Variants in SHANK2 observed in about 807,000 individuals in gnomAD.
SHANK2 encodes SH3 and multiple ankyrin repeat domains protein 2.
SHANK2 carries 43 observed loss-of-function variants against 133.7 expected under a neutral mutation model. That is an observed-to-expected ratio of 0.32 (90% confidence interval 0.25 to 0.41). The LOEUF (loss-of-function observed/expected upper bound fraction) is 0.41. SHANK2 is among the 10% of genes least tolerant of loss of function. SHANK2 has a pLI of 1.00. For missense variants in SHANK2, 1,994 were observed against 2,235.8 expected, an observed-to-expected ratio of 0.89 and a Z score of 2.18; for synonymous variants, 1,017 against 952.8, an observed-to-expected ratio of 1.07 and a Z score of -1.24.
chr11:71,180,491 G>T (rs1953532991), intron 2 of SHANK2, among the ~76,000 whole-genome samples: 1 of 152,082 alleles, frequency 6.6e-6, no homozygotes, highest in African/African-American at 2.4e-5. Context: ...CTTACCCTGT[G>T]CCCATCTAAC....
At chr11:71,116,317 T>C (rs1314116722) in intron 4 of SHANK2, among the ~76,000 whole-genome samples, 1 of 152,234 alleles carries the variant, frequency 6.6e-6, no homozygotes, top group African/African-American at 2.4e-5. Context: ...GCCAACATGT[T>C]GTGCAGGAGT....
chr11:70,730,121 C>G (rs1034577615), intron 14 of SHANK2, among the ~76,000 whole-genome samples: 10 of 152,090 alleles, frequency 6.6e-5, no homozygotes, highest in Admixed American at 2.6e-4. Flanking sequence ...GAAGTGGGAC[C>G]TGTGTGCCAG....
intron 11 of SHANK2, among the ~76,000 whole-genome samples, chr11:70,835,675 C>T (rs1393894115): frequency 6.6e-6 from 1 of 152,192 alleles, no homozygotes; most frequent in Admixed American, 6.5e-5. Flanking sequence ...CTGATGGGGT[C>T]CTTTGTTCCA....
At position 70,565,370 on chromosome 11, in the gene SHANK2, C is replaced by T. The variant is rs539451906; in HGVS notation, c.2062-62439G>A. ...AGCAATTCTTCCTGCCTCAGCCTCC[C>T]GAATAGCTGGGATTACAGGCGCGTG... On this transcript the variant is annotated intron_variant, in intron 17 of 25. Coordinates refer to ENST00000601538, the MANE Select transcript of SHANK2 (RefSeq NM_012309.5). 5.3e-5 allele frequency among the ~76,000 whole-genome samples: 8 copies of T among 152,298 alleles called. No homozygotes were observed. The South Asian group carries it at 6.2e-4, about 12-fold the overall frequency.
chr11:71,227,725 G>A (rs1954664281), intron 1 of SHANK2, among the ~76,000 whole-genome samples: 1 of 152,100 alleles, frequency 6.6e-6, no homozygotes, highest in South Asian at 2.1e-4. Flanking sequence ...AGTGATAGTT[G>A]TAGAACCTTC....
chr11:70,922,898 T>TAAACAAAC (rs201296550), intron 10 of SHANK2, among the ~76,000 whole-genome samples: 26 of 151,734 alleles, frequency 1.7e-4, no homozygotes, highest in African/African-American at 6.3e-4. Flanking sequence ...CCCTATACTT[T>TAAACAAAC]AAACAAACAA....
intron 3 of SHANK2, among the ~76,000 whole-genome samples, chr11:71,132,823 A>G (rs1555103912): frequency 6.6e-6 from 1 of 152,134 alleles, no homozygotes; most frequent in African/African-American, 2.4e-5. Context: ...TTTCTAAACA[A>G]TTTGTAACTC....
intron 7 of SHANK2, 115 bp from the exon 8 acceptor site, chr11:71,092,704 C>T: frequency 1.0e-6 from 1 of 964,688 alleles, no homozygotes. Flanking sequence ...GCAACCCACA[C>T]CCTGAGTACC....
intron 14 of SHANK2, among the ~76,000 whole-genome samples, chr11:70,724,775 ACT>A (rs1388767427): frequency 1.3e-5 from 2 of 152,154 alleles, no homozygotes; most frequent in Admixed American, 1.3e-4. Context: ...GAAGACGCTA[ACT>A]CTGCGTTCCG....
intron 17 of SHANK2, among the ~76,000 whole-genome samples, chr11:70,506,029 T>C (rs1346607793): frequency 1.3e-5 from 2 of 152,140 alleles, no homozygotes; most frequent in African/African-American, 4.8e-5. Flanking sequence ...AGGGCCCTTT[T>C]CCTCAGAAGT....
At chr11:71,160,255 G>A (rs531719191) in intron 2 of SHANK2, among the ~76,000 whole-genome samples, 1 of 152,276 alleles carries the variant, frequency 6.6e-6, no homozygotes, top group East Asian at 1.9e-4. Context: ...TGGGGACTCT[G>A]TCATCCCCCC....
At chr11:70,787,159 C>G (rs1369034189) in intron 14 of SHANK2, among the ~76,000 whole-genome samples, 2 of 148,748 alleles carry the variant, frequency 1.3e-5, no homozygotes, top group African/African-American at 2.5e-5. Context: ...CCACCAGCAT[C>G]ACCACCACCA....
At chr11:70,638,479 G>A (rs1027109768) in intron 17 of SHANK2, among the ~76,000 whole-genome samples, 3 of 152,076 alleles carry the variant, frequency 2.0e-5, no homozygotes, top group Non-Finnish European at 4.4e-5. Context: ...CCTGACCCCC[G>A]GCTCCTCTGA....
intron 9 of SHANK2, among the ~76,000 whole-genome samples, chr11:71,059,062 C>G (rs1032038985): frequency 6.6e-4 from 101 of 152,212 alleles, no homozygotes; most frequent in African/African-American, 2.3e-3. Flanking sequence ...ACCAAAAATA[C>G]AAAACTTAGC....
At chr11:70,660,888 T>C (rs2061477764) in intron 16 of SHANK2, among the ~76,000 whole-genome samples, 1 of 152,238 alleles carries the variant, frequency 6.6e-6, no homozygotes, top group Admixed American at 6.5e-5. Context: ...TCCACATGGC[T>C]GAGCCACACA....
intron 6 of SHANK2, among the ~76,000 whole-genome samples, chr11:71,106,994 A>G (rs1951811697): frequency 6.6e-6 from 1 of 152,144 alleles, no homozygotes; most frequent in Non-Finnish European, 1.5e-5. Context: ...ACATGCCTGT[A>G]GTCCCAGTTA....
intron 10 of SHANK2, among the ~76,000 whole-genome samples, chr11:70,939,451 C>A (rs1950615491): frequency 1.3e-5 from 2 of 152,106 alleles, no homozygotes; most frequent in South Asian, 4.2e-4. Context: ...GCACTCCAGC[C>A]TGGGCAACAG....
At position 70,907,745 on chromosome 11, in the gene SHANK2, C is replaced by A. The variant is rs114684674; in HGVS notation, c.1108-11178G>T. The A allele has an allele frequency of 3.8e-3, 1,128 of 295,456 alleles. 14 individuals are homozygous for A. Among genetic ancestry groups the A allele is most frequent in the African/African-American group, 0.023 (1,029 of 44,952 alleles). The allele number at this position is 295,456 out of a possible 1,614,324, so 18.3% of individuals were successfully genotyped here. A position where few individuals can be genotyped will look rare whatever the true frequency, so the allele number is the denominator to read the frequency against. Reference sequence around the variant, plus strand: ...TAATCATCTTTGACAGTTGCAGGATCGGATTTTGGATAAATATTTTATCAA... The same window carrying A: ...TAATCATCTTTGACAGTTGCAGGATAGGATTTTGGATAAATATTTTATCAA... On this transcript the variant is annotated intron_variant, in intron 10 of 25. Transcript: ENST00000601538.
intron 9 of SHANK2, among the ~76,000 whole-genome samples, chr11:71,074,867 C>T: frequency 6.6e-6 from 1 of 151,506 alleles, no homozygotes; most frequent in East Asian, 2.0e-4. Context: ...GCAAGCTCCG[C>T]CTCCTGGGTT....
Sources: allele counts gnomAD v4.1 joint callset (sites outside exome capture counted in the v4.1 genomes callset), GRCh38; gene constraint gnomAD v4.1.1; transcripts MANE v1.5; gene names NCBI Gene and HGNC (gene_info 2026-07-23, HGNC 2026-07-21).